The following INTS1 variants were observed in gnomAD, a reference collection of about 807,000 sequenced individuals.
INTS1 encodes the protein integrator complex subunit 1.
Under a neutral mutation model 241.6 loss-of-function variants are expected in INTS1, and 137 were observed. The observed-to-expected ratio is 0.57, with a 90% CI of 0.49 to 0.65. The LOEUF (loss-of-function observed/expected upper bound fraction) is 0.65, where lower values mean the gene tolerates loss of function less well. INTS1 is among the 30% of genes least tolerant of loss of function. INTS1 has a pLI of 0.00. For missense variants in INTS1, 3,073 were observed against 3,032.2 expected, an observed-to-expected ratio of 1.01 and a Z score of -0.32; for synonymous variants, 1,692 against 1,337.8, an observed-to-expected ratio of 1.26 and a Z score of -5.78.
At chr7:1,484,503 G>A (rs959404849) in intron 24 of INTS1, among the ~76,000 whole-genome samples, 16 of 152,230 alleles carry the variant, frequency 1.1e-4, no homozygotes, top group African/African-American at 2.7e-4. Context: ...CACAGCGCAG[G>A]TTGTGGACAA....
chr7:1,495,654 T>C (rs1334406927), intron 12 of INTS1, 101 bp from the exon 13 acceptor site: 62 of 1,447,384 alleles, frequency 4.3e-5, no homozygotes, highest in Non-Finnish European at 5.7e-5. Flanking sequence ...TGGGAGGGGG[T>C]AACTCAGGGC....
rs1157697172 is a variant in INTS1 at position 1,495,030 on chromosome 7, T to A, written c.1833-137A>T. ...CTGCCTGGTGCCCAAGCTCAGCACC[T>A]CCTCACAGCACCACCAAAGAACCCA... On this transcript the variant is annotated intron_variant, in intron 13 of 47. Transcript: ENST00000404767. The A allele has an allele frequency of 6.2e-6, 6 of 972,496 alleles. No individual in the cohort carries two copies. The African/African-American group carries it at 6.5e-5, about 10-fold the overall frequency. The allele number at this position is 972,496 out of a possible 1,614,324, so 60.2% of individuals were successfully genotyped here.
rs1480511126 is a variant in INTS1, at chr7:1,499,305, C to G, written c.900G>C (p.Leu300=). The change falls in exon 7 of 48, where the codon CTG becomes CTC. Residue 300 remains leucine (L), a synonymous_variant. Transcript: ENST00000404767. ...TEEEDSQTEL[L]IAEEKLSPEQ... is the part of the protein sequence containing the mutation. ...CGGGGCTCAGCTTCTCCTCCGCGAT[C>G]AGCAACTCCGTCTGGCTGTCCTCCT... is the stretch of plus-strand genomic sequence containing the variant. The G allele has an allele frequency of 2.5e-6, 4 of 1,607,124 alleles. No individual in the cohort carries two copies. In the Admixed American group the frequency reaches 6.7e-5, roughly 27 times the overall value.
chr7:1,498,611 T>C (rs1263021136), intron 9 of INTS1, 58 bp from the exon 10 acceptor site: 91 of 1,588,788 alleles, frequency 5.7e-5, no homozygotes, highest in African/African-American at 2.5e-4. Flanking sequence ...CCACTCCGCC[T>C]GTGCCCCCAC....
At position 1,479,627 on chromosome 7, in the gene INTS1, G is replaced by GGGCCAC; in HGVS notation, c.4126_4131dup (p.Val1376_Ala1377dup). ...TGGCCCAGGGCCTGCTGCAGGGCGA[G>GGGCCAC]GGCCACGGGGCGGGGACTGGAGCTC... On this transcript the variant is annotated inframe_insertion, in exon 31 of 48. Coordinates refer to ENST00000404767, the MANE Select transcript of INTS1 (RefSeq NM_001080453.3). The GGGCCAC allele has an allele frequency of 1.3e-6, 2 of 1,520,040 alleles. No individual in the cohort carries two copies. Among genetic ancestry groups the GGGCCAC allele is most frequent in the Non-Finnish European group, 8.8e-7 (1 of 1,130,672 alleles). The allele number at this position is 1,520,040 out of a possible 1,614,324, so 94.2% of individuals were successfully genotyped here.
At chr7:1,489,558 C>T (rs2128540259) in intron 17 of INTS1, 33 bp downstream of exon 17, 2 of 1,538,334 alleles carry the variant, frequency 1.3e-6, no homozygotes, top group Non-Finnish European at 1.8e-6. Flanking sequence ...AGCAGGGCCA[C>T]GTGTGCGCAT....
chr7:1,489,017 C>T (rs536503027), intron 18 of INTS1, among the ~76,000 whole-genome samples: 1 of 152,302 alleles, frequency 6.6e-6, no homozygotes, highest in East Asian at 1.9e-4. Flanking sequence ...CTTGCCACGT[C>T]CTCCAGCATC....
At chr7:1,471,363 A>C (rs1463354358) in intron 45 of INTS1, 139 bp from the exon 46 acceptor site, 23 of 1,031,468 alleles carry the variant, frequency 2.2e-5, no homozygotes, top group Non-Finnish European at 3.3e-5. Context: ...CGCACGTGCC[A>C]CTGGCCGGTC....
chr7:1,482,424 A>G, intron 27 of INTS1, 122 bp downstream of exon 27: 2 of 949,992 alleles, frequency 2.1e-6, no homozygotes, highest in South Asian at 3.5e-5. Context: ...GGATCCCCTG[A>G]GGCTACCCGG....
chr7:1,492,692 G>A (rs916263021), intron 16 of INTS1, among the ~76,000 whole-genome samples: 23 of 152,224 alleles, frequency 1.5e-4, no homozygotes, highest in Non-Finnish European at 7.3e-5. Flanking sequence ...TGGAGACACC[G>A]GGGAAGACAA....
At position 1,493,821 on chromosome 7, in the gene INTS1, G is replaced by A. The variant is rs369936361; in HGVS notation, c.2001C>T (p.Leu667=). The change falls in exon 15 of 48, where the codon CTC becomes CTT. Residue 667 remains leucine, a synonymous_variant. Coordinates refer to ENST00000404767, the MANE Select transcript of INTS1 (RefSeq NM_001080453.3). The surrounding 1 kb of genome is among the most constrained non-coding windows in gnomAD (Gnocchi z 5.3). ...CAAGCTCCATGGCGTCCGCAGGCCC[G>A]AGCGGGAGCTCCCGGGACAGCCCGA... is the stretch of plus-strand genomic sequence containing the variant. ...LVIGLSRELP[L]GPADAMELAD... 3.8e-5 allele frequency: 60 copies of A among 1,574,286 alleles called. No individual in the cohort carries two copies. The Middle Eastern group carries it at 9.9e-4, about 26-fold the overall frequency.
rs188596585 is a variant in INTS1 at position 1,503,283 on chromosome 7, T to C, written c.59-92A>G. On this transcript the variant is annotated intron_variant, in intron 2 of 47. Transcript: ENST00000404767. ...AACCTCCTGTTATGTCAGAGGGGAT[T>C]AAACAAGGGTCAGAGGAGGCAAGGA... The C allele has an allele frequency of 3.7e-6, 5 of 1,347,916 alleles. No homozygotes were observed. In the African/African-American group the frequency reaches 7.4e-5, roughly 20 times the overall value. 83.5% of individuals were successfully genotyped at this position (1,347,916 alleles called of 1,614,324 possible).
chr7:1,491,525 C>T lies in INTS1; in HGVS notation c.2165+1485G>A, dbSNP rs577699337. The stretch of plus-strand genomic sequence containing the variant: ...AGAATTAAATCTCCACAACCCTGGA[C>T]TAGGCGATAGTTTCTTAGACATGAC... On this transcript the variant is annotated intron_variant, in intron 16 of 47. Transcript: ENST00000404767. Among the ~76,000 whole-genome samples, 3 of 152,354 alleles carry T rather than the reference C, an allele frequency of 2.0e-5. No homozygotes were observed. The South Asian group carries it at 6.2e-4, about 32-fold the overall frequency.
At position 1,481,017 on chromosome 7, in the gene INTS1, AGATGCCCCCACC is replaced by A; in HGVS notation, c.3851-96_3851-85del. On this transcript the variant is annotated intron_variant, in intron 28 of 47. Coordinates refer to ENST00000404767, the MANE Select transcript of INTS1 (RefSeq NM_001080453.3). The surrounding 1 kb of genome is among the most constrained non-coding windows in gnomAD (Gnocchi z 6.8). ...CCCTCTCCACAGAAACCAGAGTTGG[AGATGCCCCCACC>A]GTCACCAGCACTTCCCAAGGACTTC... 1 of 1,005,026 alleles carries A rather than the reference AGATGCCCCCACC, an allele frequency of 9.9e-7. No homozygotes were observed. The allele number at this position is 1,005,026 out of a possible 1,614,324, so 62.3% of individuals were successfully genotyped here.
At position 1,487,396 on chromosome 7, in the gene INTS1, T is replaced by C. The variant is rs778019156; in HGVS notation, c.2570A>G (p.Asn857Ser). The C allele has an allele frequency of 1.9e-6, 3 of 1,611,958 alleles. No individual in the cohort carries two copies. The Admixed American group carries it at 5.0e-5, about 27-fold the overall frequency. The stretch of plus-strand genomic sequence containing the variant: ...GAGGTGCCCGAGGCGGAGGGACTGG[T>C]TGAGGCTTTTCACTTGATCCAGGAT... The part of the protein sequence containing the change: ...PHILDQVKSL[N>S]QSLRLGHLLC... Residue 857 changes from asparagine to serine, a missense_variant, in exon 20 of 48, where the codon AAC becomes AGC. Transcript: ENST00000404767.
intron 33 of INTS1, 141 bp from the exon 34 acceptor site, chr7:1,478,077 A>G: frequency 2.6e-6 from 2 of 768,512 alleles, no homozygotes; most frequent in East Asian, 2.6e-5. Context: ...CAGAGAGGAG[A>G]GTGCAGCCGG....
Position 1,486,681 on chromosome 7 carries a change from A to C in INTS1, c.2920T>G (p.Tyr974Asp), listed in dbSNP as rs760722210. The change falls in exon 22 of 48, where the codon TAC becomes GAC. Residue 974 changes from tyrosine to aspartate, a missense_variant. Transcript: ENST00000404767. ...DEQTTCEVLD[Y>D]FLRRLGSSQV... ...GAGGAGCCGAGGCGCCGCAAGAAGT[A>C]GTCCAGCACCTCACACGTGGTCTGC... 1 of 1,612,556 alleles carries C rather than the reference A, an allele frequency of 6.2e-7. No individual in the cohort carries two copies. The highest frequency in any genetic ancestry group is 8.5e-7 in the Non-Finnish European group (1 of 1,179,752).
At chr7:1,478,025 G>A (rs1781804945) in intron 33 of INTS1, 89 bp from the exon 34 acceptor site, 1 of 1,091,760 alleles carries the variant, frequency 9.2e-7, no homozygotes, top group African/African-American at 1.5e-5. Context: ...TGGGGTGTGG[G>A]GTGAGCATGT....
At chr7:1,491,308 C>T (rs1034170969) in intron 16 of INTS1, among the ~76,000 whole-genome samples, 3 of 152,176 alleles carry the variant, frequency 2.0e-5, no homozygotes, top group Non-Finnish European at 2.9e-5. Flanking sequence ...CACATGGGTG[C>T]GACTTCCGAC....
Sources: gnomAD v4.1 joint callset for allele counts (sites outside exome capture counted in the v4.1 genomes callset) on GRCh38, gnomAD v4.1.1 for gene constraint, Gnocchi (gnomAD v3.1) non-coding constraint, MANE v1.5 for transcripts, NCBI Gene and HGNC (gene_info 2026-07-23, HGNC 2026-07-21) for gene names.